The following RHBDD1 variants were observed in gnomAD, a reference collection of about 807,000 sequenced individuals.
RHBDD1 encodes the protein rhomboid domain containing 1.
In RHBDD1, 38 loss-of-function variants were observed where a neutral mutation model predicts 36.3. The observed-to-expected ratio is 1.05, with a 90% CI of 0.81 to 1.37. The LOEUF (loss-of-function observed/expected upper bound fraction) is 1.37, where lower values mean the gene tolerates loss of function less well. RHBDD1 is among the 40% of genes most tolerant of loss of function. RHBDD1 has a pLI of 0.00. For synonymous variants in RHBDD1, 151 were observed against 136.5 expected (o/e 1.11, Z -0.74); for missense variants, 393 against 377.6 (o/e 1.04, Z -0.34).
At chr2:226,927,430 T>G (rs1575128883) in intron 8 of RHBDD1, among the ~76,000 whole-genome samples, 1 of 152,090 alleles carries the variant, frequency 6.6e-6, no homozygotes, top group African/African-American at 2.4e-5. Context: ...ATAAAGCTGC[T>G]ATAAAAATTT....
intron 8 of RHBDD1, among the ~76,000 whole-genome samples, chr2:226,924,382 A>G (rs1488253324): frequency 1.3e-5 from 2 of 152,160 alleles, no homozygotes; most frequent in Admixed American, 6.5e-5. Context: ...GCTGGTATCC[A>G]AGTCGCAAAA....
intron 3 of RHBDD1, among the ~76,000 whole-genome samples, chr2:226,843,963 A>G (rs1345587761): frequency 1.3e-5 from 2 of 152,074 alleles, no homozygotes; most frequent in Non-Finnish European, 2.9e-5. Flanking sequence ...CTCATTTATT[A>G]GTCTATTCAG....
rs1368420204 is a variant in RHBDD1 at position 226,908,864 on chromosome 2, A to G, written c.698A>G (p.Tyr233Cys). The G allele has an allele frequency of 3.1e-6, 5 of 1,600,564 alleles. No individual in the cohort carries two copies. Among genetic ancestry groups the G allele is most frequent in the Non-Finnish European group, 4.3e-6 (5 of 1,167,672 alleles). The change falls in exon 7 of 9, where the codon TAC becomes TGC. Residue 233 changes from tyrosine to cysteine, a missense_variant. Coordinates refer to ENST00000392062, the MANE Select transcript of RHBDD1 (RefSeq NM_001167608.3). ...GTTGGTTACCCAGGACGGCAATACT[A>G]CTTTAATAGTTCAGGTAGGCACTGT... Reference protein sequence around the residue: ...SSVGYPGRQYYFNSSGSSGYQ... With the variant: ...SSVGYPGRQYCFNSSGSSGYQ...
At chr2:226,823,920 T>C in the RHBDD1 span, among the ~76,000 whole-genome samples, 2 of 152,128 alleles carry the variant, frequency 1.3e-5, no homozygotes, top group Non-Finnish European at 2.9e-5. Context: ...ACCACACTAA[T>C]GTATTCATGA....
At chr2:226,957,553 T>G (rs1407017306) in intron 8 of RHBDD1, among the ~76,000 whole-genome samples, 5 of 141,292 alleles carry the variant, frequency 3.5e-5, no homozygotes, top group African/African-American at 1.4e-4. Flanking sequence ...TGAGACCTAC[T>G]CTCTACCGCC....
chr2:226,960,329 T>A (rs1469322906), intron 8 of RHBDD1, among the ~76,000 whole-genome samples: 1 of 152,254 alleles, frequency 6.6e-6, no homozygotes, highest in Non-Finnish European at 1.5e-5. Flanking sequence ...AATAATTATG[T>A]TGAACATCTT....
Position 226,940,654 on chromosome 2 carries a change from G to C in RHBDD1, c.856+26303G>C, listed in dbSNP as rs574274290. 8.4e-4 allele frequency among the ~76,000 whole-genome samples: 128 copies of C among 152,270 alleles called. 1 individual carries two copies. Among genetic ancestry groups the C allele is most frequent in the African/African-American group, 3.0e-3 (123 of 41,550 alleles). On this transcript the variant is annotated intron_variant, in intron 8 of 8. Coordinates refer to ENST00000392062, the MANE Select transcript of RHBDD1 (RefSeq NM_001167608.3). ...GTTTCTAAAGTAGATAGATGATGGA[G>C]AGTGAGATAGGCAGTACTGTTTTCA...
chr2:226,898,214 G>C (rs1167374506), intron 5 of RHBDD1, among the ~76,000 whole-genome samples: 4 of 152,084 alleles, frequency 2.6e-5, no homozygotes, highest in Non-Finnish European at 5.9e-5. Flanking sequence ...GGCAGAATGC[G>C]ACCTACTTGA....
At chr2:226,945,166 T>TATTA (rs1424866365) in intron 8 of RHBDD1, among the ~76,000 whole-genome samples, 1 of 149,472 alleles carries the variant, frequency 6.7e-6, no homozygotes, top group African/African-American at 2.4e-5. Context: ...TTATTATTAT[T>TATTA]ATTATTATTA....
intron 7 of RHBDD1, among the ~76,000 whole-genome samples, chr2:226,910,553 T>G (rs1948449557): frequency 6.6e-6 from 1 of 152,138 alleles, no homozygotes; most frequent in Non-Finnish European, 1.5e-5. Flanking sequence ...ATCTTGGTGG[T>G]GTTTCTTGAT....
the RHBDD1 span, among the ~76,000 whole-genome samples, chr2:226,800,472 G>A: frequency 6.6e-6 from 1 of 152,180 alleles, no homozygotes; most frequent in African/African-American, 2.4e-5. Flanking sequence ...TACAAAAGGA[G>A]AACAGGGATC....
intron 7 of RHBDD1, among the ~76,000 whole-genome samples, chr2:226,913,827 C>T (rs994124585): frequency 2.6e-4 from 40 of 152,180 alleles, no homozygotes; most frequent in African/African-American, 9.6e-4. Context: ...GCTTTATTAG[C>T]TATTGTTTCC....
At chr2:226,983,344 G>A (rs902289820) in intron 8 of RHBDD1, among the ~76,000 whole-genome samples, 2 of 152,126 alleles carry the variant, frequency 1.3e-5, no homozygotes, top group Non-Finnish European at 2.9e-5. Context: ...TGTTTTCTGC[G>A]GGAATGTGGC....
intron 8 of RHBDD1, chr2:226,969,012 G>T: frequency 9.8e-6 from 2 of 204,560 alleles, no homozygotes; most frequent in Non-Finnish European, 2.1e-5. Flanking sequence ...GTATGGACCA[G>T]TCATGGACAC....
At chr2:226,829,757 ATGTG>A in the RHBDD1 span, among the ~76,000 whole-genome samples, 9 of 152,106 alleles carry the variant, frequency 5.9e-5, no homozygotes, top group South Asian at 1.0e-3. Context: ...GTGTGTATGT[ATGTG>A]TGTATTTTCC....
chr2:226,850,297 TG>T (rs1942679966), intron 3 of RHBDD1, among the ~76,000 whole-genome samples: 1 of 152,194 alleles, frequency 6.6e-6, no homozygotes, highest in South Asian at 2.1e-4. Context: ...ATGATCTGAT[TG>T]GGAAACCAGT....
intron 5 of RHBDD1, among the ~76,000 whole-genome samples, chr2:226,872,359 G>T (rs760113167): frequency 1.1e-4 from 17 of 152,008 alleles, no homozygotes; most frequent in Admixed American, 3.3e-4. Flanking sequence ...TATTTTCCCC[G>T]ACAGGTTTTG....
chr2:226,962,224 C>G (rs1474298441), intron 8 of RHBDD1, among the ~76,000 whole-genome samples: 1 of 152,190 alleles, frequency 6.6e-6, no homozygotes, highest in African/African-American at 2.4e-5. Context: ...GAAAAAATAG[C>G]AAATTCATTA....
At chr2:226,805,273 C>T in the RHBDD1 span, among the ~76,000 whole-genome samples, 4 of 152,248 alleles carry the variant, frequency 2.6e-5, no homozygotes, top group East Asian at 5.8e-4. Flanking sequence ...AGTGCAGTGG[C>T]GCCGTCTCGG....
Sources: gnomAD v4.1 joint callset for allele counts (sites outside exome capture counted in the v4.1 genomes callset) on GRCh38, gnomAD v4.1.1 for gene constraint, MANE v1.5 for transcripts, NCBI Gene and HGNC (gene_info 2026-07-23, HGNC 2026-07-21) for gene names.